The following RCAN2 variants were observed in gnomAD, a reference collection of about 807,000 sequenced individuals.
The protein encoded by RCAN2 is calcipressin-2.
Under a neutral mutation model 23.6 loss-of-function variants are expected in RCAN2, and 9 were observed. The ratio of observed to expected loss-of-function variants is 0.38; its 90% CI spans 0.23 to 0.67. RCAN2 has a LOEUF of 0.67. Among genes scored for constraint, RCAN2 ranks in the 30% least tolerant of loss-of-function variants. The probability of loss-of-function intolerance (pLI) is 0.51; values close to 1 mark genes in which losing one functional copy is unlikely to be tolerated. For missense variants in RCAN2, 273 were observed against 302.3 expected (o/e 0.90, Z 0.72); for synonymous variants, 109 against 115.7 (o/e 0.94, Z 0.37).
At chr6:46,314,385 G>GA (rs953014176) in intron 2 of RCAN2, among the ~76,000 whole-genome samples, 4 of 139,350 alleles carry the variant, frequency 2.9e-5, no homozygotes, top group African/African-American at 1.1e-4. Flanking sequence ...AAAAAGAAAA[G>GA]AAAAAAAACC....
At position 46,249,317 on chromosome 6, in the gene RCAN2, CTTTTTTTT is replaced by C. The variant is rs11331303; in HGVS notation, c.226-429_226-422del. On this transcript the variant is annotated intron_variant, in intron 2 of 4. Coordinates refer to ENST00000371374, the MANE Select transcript of RCAN2 (RefSeq NM_001251974.2). ...CACTTTTCTTTTTCTTTCTTTCTTTCTTTTTTTTTTTTTTTTTTTTAGACAGAGTCTTG... is the reference window on the plus strand; with the variant it reads ...CACTTTTCTTTTTCTTTCTTTCTTTCTTTTTTTTTTTTAGACAGAGTCTTG... 4.1e-5 allele frequency among the ~76,000 whole-genome samples: 4 copies of C among 97,110 alleles called. No individual in the cohort carries two copies. The South Asian group carries it at 1.4e-3, about 34-fold the overall frequency. 63.7% of individuals were successfully genotyped at this position (97,110 alleles called of 152,430 possible).
At chr6:46,232,879 A>G in intron 4 of RCAN2, among the ~76,000 whole-genome samples, 1 of 151,808 alleles carries the variant, frequency 6.6e-6, no homozygotes, top group East Asian at 1.9e-4. Context: ...TGTACCCATC[A>G]GCCCTAAGTG....
intron 2 of RCAN2, among the ~76,000 whole-genome samples, chr6:46,262,806 C>T (rs1395478879): frequency 1.3e-5 from 2 of 152,098 alleles, no homozygotes; most frequent in African/African-American, 4.8e-5. Flanking sequence ...TTACAGGTTC[C>T]CAAAGGCAGG....
chr6:46,393,726 C>T (rs1357383584), intron 2 of RCAN2, among the ~76,000 whole-genome samples: 1 of 152,044 alleles, frequency 6.6e-6, no homozygotes, highest in African/African-American at 2.4e-5. Flanking sequence ...TGGCACTCAC[C>T]CACCTCTTTG....
chr6:46,466,052 C>T (rs1768370047), intron 1 of RCAN2, among the ~76,000 whole-genome samples: 1 of 152,132 alleles, frequency 6.6e-6, no homozygotes, highest in Non-Finnish European at 1.5e-5. Context: ...AATGCCTGCA[C>T]CACTGGGGGA....
At chr6:46,272,376 A>G (rs1767549606) in intron 2 of RCAN2, among the ~76,000 whole-genome samples, 1 of 152,170 alleles carries the variant, frequency 6.6e-6, no homozygotes, top group Middle Eastern at 3.2e-3. Flanking sequence ...AACCTTGTAC[A>G]TTCTGTCATC....
chr6:46,365,372 A>T (rs1352129443), intron 2 of RCAN2, among the ~76,000 whole-genome samples: 1 of 152,056 alleles, frequency 6.6e-6, no homozygotes, highest in African/African-American at 2.4e-5. Context: ...GCTACTCGGG[A>T]GGCTGAGGTG....
chr6:46,447,107 T>G (rs1355451591), intron 2 of RCAN2, among the ~76,000 whole-genome samples: 1 of 151,944 alleles, frequency 6.6e-6, no homozygotes, highest in Non-Finnish European at 1.5e-5. Flanking sequence ...ATAGACACAC[T>G]TCACATATAT....
intron 2 of RCAN2, among the ~76,000 whole-genome samples, chr6:46,355,007 G>C (rs535713339): frequency 6.6e-6 from 1 of 150,386 alleles, no homozygotes; most frequent in South Asian, 2.1e-4. Context: ...ATGGACATTA[G>C]CTAACCCTAA....
intron 2 of RCAN2, among the ~76,000 whole-genome samples, chr6:46,455,111 G>C (rs1767979933): frequency 6.6e-6 from 1 of 152,188 alleles, no homozygotes; most frequent in African/African-American, 2.4e-5. Context: ...GTATATTTCA[G>C]AGGAAACTAC....
At chr6:46,399,066 T>C (rs1766173711) in intron 2 of RCAN2, among the ~76,000 whole-genome samples, 1 of 152,070 alleles carries the variant, frequency 6.6e-6, no homozygotes, top group Non-Finnish European at 1.5e-5. Context: ...AGACTGCACA[T>C]TCCTCAAGTC....
intron 2 of RCAN2, among the ~76,000 whole-genome samples, chr6:46,433,924 G>C (rs909440373): frequency 2.6e-5 from 4 of 152,182 alleles, no homozygotes; most frequent in Admixed American, 1.3e-4. Flanking sequence ...GTTAAATGCT[G>C]CACACAATTG....
chr6:46,326,836 C>A (rs1270236741), intron 2 of RCAN2, among the ~76,000 whole-genome samples: 1 of 152,180 alleles, frequency 6.6e-6, no homozygotes, highest in East Asian at 1.9e-4. Flanking sequence ...AGAGTAGAAG[C>A]TTTCTCATTT....
intron 2 of RCAN2, among the ~76,000 whole-genome samples, chr6:46,280,350 C>T (rs755675816): frequency 3.9e-5 from 6 of 152,134 alleles, no homozygotes; most frequent in Non-Finnish European, 7.4e-5. Flanking sequence ...ATACTTTAAT[C>T]TGTTGTAGCC....
chr6:46,452,790 T>C (rs1767918941), intron 2 of RCAN2, among the ~76,000 whole-genome samples: 1 of 152,210 alleles, frequency 6.6e-6, no homozygotes, highest in Non-Finnish European at 1.5e-5. Flanking sequence ...ATGTTATAAT[T>C]ATTAATAAAT....
At chr6:46,314,522 C>A (rs1415140990) in intron 2 of RCAN2, among the ~76,000 whole-genome samples, 64 of 141,856 alleles carry the variant, frequency 4.5e-4, no homozygotes, top group East Asian at 1.8e-3. Context: ...AAACAAAAAA[C>A]AAAAAAAAAA....
intron 4 of RCAN2, among the ~76,000 whole-genome samples, chr6:46,227,585 G>T (rs1191687966): frequency 3.9e-5 from 5 of 127,250 alleles, no homozygotes; most frequent in Non-Finnish European, 7.0e-5. Flanking sequence ...AGTGTTTATA[G>T]TATTCTCTGA....
intron 4 of RCAN2, among the ~76,000 whole-genome samples, chr6:46,234,832 G>T (rs1258509899): frequency 6.6e-6 from 1 of 152,208 alleles, no homozygotes; most frequent in Non-Finnish European, 1.5e-5. Flanking sequence ...TTCCCAAGTG[G>T]CTGGAGACAG....
chr6:46,445,064 G>A (rs1395878650), intron 2 of RCAN2, among the ~76,000 whole-genome samples: 1 of 152,104 alleles, frequency 6.6e-6, no homozygotes, highest in Non-Finnish European at 1.5e-5. Context: ...CTTCAGCAAT[G>A]TCCCAGTGAA....
Sources: allele counts gnomAD v4.1 joint callset (sites outside exome capture counted in the v4.1 genomes callset), GRCh38; gene constraint gnomAD v4.1.1; transcripts MANE v1.5; gene names NCBI Gene and HGNC (gene_info 2026-07-23, HGNC 2026-07-21).